DCC: variants seen among roughly 807,000 people sequenced by gnomAD.
The protein encoded by DCC is DCC netrin 1 receptor.
In DCC, 58 loss-of-function variants were observed where a neutral mutation model predicts 172.5. The observed-to-expected ratio is 0.34, with a 90% CI of 0.27 to 0.42. The LOEUF (loss-of-function observed/expected upper bound fraction) is 0.42. Among genes scored for constraint, DCC ranks in the 10% least tolerant of loss-of-function variants. The pLI is 1.00. For synonymous variants in DCC, 709 were observed against 644.5 expected (o/e 1.10, Z -1.52); for missense variants, 1,740 against 1,791.0 (o/e 0.97, Z 0.51).
chr18:52,729,962 G>T (rs1006852961), intron 1 of DCC, among the ~76,000 whole-genome samples: 2 of 152,140 alleles, frequency 1.3e-5, no homozygotes, highest in Non-Finnish European at 2.9e-5. Context: ...TAGAATTCAG[G>T]TTTCCTGGCT....
intron 1 of DCC, among the ~76,000 whole-genome samples, chr18:52,634,338 T>C (rs964180852): frequency 1.8e-4 from 27 of 152,360 alleles, no homozygotes; most frequent in Non-Finnish European, 3.7e-4. Context: ...ATTATTTCTA[T>C]GGTATTTCAT....
intron 25 of DCC, among the ~76,000 whole-genome samples, chr18:53,476,052 C>T (rs745970023): frequency 3.3e-5 from 5 of 152,174 alleles, no homozygotes; most frequent in African/African-American, 7.2e-5. Context: ...ACTTGCATGG[C>T]GCCTGTAGCC....
At chr18:52,948,299 T>C (rs1226932621) in intron 5 of DCC, among the ~76,000 whole-genome samples, 1 of 137,628 alleles carries the variant, frequency 7.3e-6, no homozygotes, top group Admixed American at 7.9e-5. Context: ...TCCATAATTC[T>C]ATCACAGTGT....
At chr18:52,687,396 T>A (rs1016218565) in intron 1 of DCC, among the ~76,000 whole-genome samples, 1 of 151,250 alleles carries the variant, frequency 6.6e-6, no homozygotes, top group South Asian at 2.1e-4. Flanking sequence ...GCAATTCTCC[T>A]GCCTCAGCCT....
intron 7 of DCC, among the ~76,000 whole-genome samples, chr18:53,142,514 T>C (rs2043846242): frequency 6.6e-6 from 1 of 152,208 alleles, no homozygotes; most frequent in Non-Finnish European, 1.5e-5. Context: ...GAGTCTACTC[T>C]TTTTTAGACA....
At chr18:53,236,615 A>G (rs574265260) in intron 12 of DCC, among the ~76,000 whole-genome samples, 10 of 152,024 alleles carry the variant, frequency 6.6e-5, no homozygotes, top group South Asian at 2.1e-4. Flanking sequence ...TTATTTTGTT[A>G]AAGTCAGAGT....
chr18:52,527,571 T>C (rs2032020790), intron 1 of DCC, among the ~76,000 whole-genome samples: 2 of 152,230 alleles, frequency 1.3e-5, no homozygotes, highest in Non-Finnish European at 2.9e-5. Context: ...GGTTGCTAAA[T>C]GAGCTTATTA....
chr18:52,521,415 T>C (rs1481082094), intron 1 of DCC, among the ~76,000 whole-genome samples: 1 of 152,154 alleles, frequency 6.6e-6, no homozygotes, highest in Non-Finnish European at 1.5e-5. Context: ...ATTGTCTCAG[T>C]TCCGGAGGCT....
At chr18:53,190,392 A>G (rs1488308763) in intron 9 of DCC, among the ~76,000 whole-genome samples, 1 of 152,130 alleles carries the variant, frequency 6.6e-6, no homozygotes, top group African/African-American at 2.4e-5. Flanking sequence ...AATTAAATGC[A>G]AAAAAACTAA....
chr18:53,047,054 G>A (rs1484109074), intron 5 of DCC, among the ~76,000 whole-genome samples: 1 of 150,800 alleles, frequency 6.6e-6, no homozygotes, highest in Non-Finnish European at 1.5e-5. Flanking sequence ...CTTGTCACCA[G>A]CAACTACAGT....
intron 7 of DCC, among the ~76,000 whole-genome samples, chr18:53,131,592 G>A (rs558296862): frequency 2.0e-5 from 3 of 152,030 alleles, no homozygotes; most frequent in Non-Finnish European, 4.4e-5. Flanking sequence ...AAAATTTCCC[G>A]CATATATCAG....
intron 3 of DCC, among the ~76,000 whole-genome samples, chr18:52,923,165 A>T (rs140195967): frequency 6.6e-6 from 1 of 152,292 alleles, no homozygotes; most frequent in African/African-American, 2.4e-5. Context: ...AACTTCAGTT[A>T]TATAAATCTG....
intron 1 of DCC, among the ~76,000 whole-genome samples, chr18:52,488,670 A>G (rs1464212386): frequency 6.6e-6 from 1 of 151,940 alleles, no homozygotes; most frequent in Non-Finnish European, 1.5e-5. Flanking sequence ...TAAAAGTCTC[A>G]CCCCATAGAC....
At chr18:52,909,020 A>AG in intron 3 of DCC, among the ~76,000 whole-genome samples, 1 of 152,218 alleles carries the variant, frequency 6.6e-6, no homozygotes, top group African/African-American at 2.4e-5. Context: ...CACATTCTCG[A>AG]GTTTGCAAGT....
chr18:52,781,347 T>C (rs959167313), intron 2 of DCC, among the ~76,000 whole-genome samples: 2 of 152,120 alleles, frequency 1.3e-5, no homozygotes, highest in African/African-American at 4.8e-5. Flanking sequence ...TCCCAATCTA[T>C]TTCAGTTCAA....
At chr18:53,418,215 G>A (rs1453762020) in intron 21 of DCC, among the ~76,000 whole-genome samples, 5 of 151,990 alleles carry the variant, frequency 3.3e-5, no homozygotes, top group Admixed American at 3.3e-4. Context: ...AAATTGAGAG[G>A]GACTGATGAC....
intron 5 of DCC, among the ~76,000 whole-genome samples, chr18:53,039,531 T>G (rs2042141152): frequency 6.6e-6 from 1 of 151,980 alleles, no homozygotes; most frequent in Non-Finnish European, 1.5e-5. Context: ...TGATTATTGT[T>G]TTTTGGGAGT....
intron 1 of DCC, among the ~76,000 whole-genome samples, chr18:52,652,274 A>G (rs1282415698): frequency 6.6e-6 from 1 of 152,260 alleles, no homozygotes; most frequent in East Asian, 1.9e-4. Flanking sequence ...GGGCACTTGG[A>G]GACTAGGTTG....
chr18:52,903,369 T>C (rs1436757039), intron 2 of DCC, among the ~76,000 whole-genome samples: 1 of 152,052 alleles, frequency 6.6e-6, no homozygotes, highest in Non-Finnish European at 1.5e-5. Context: ...CACACCTGGG[T>C]AATTTTTAAA....
Sources: gnomAD v4.1 joint callset for allele counts (sites outside exome capture counted in the v4.1 genomes callset) on GRCh38, gnomAD v4.1.1 for gene constraint, MANE v1.5 for transcripts, NCBI Gene and HGNC (gene_info 2026-07-23, HGNC 2026-07-21) for gene names.